Variants in SLC37A3 observed in about 807,000 individuals in gnomAD.
The protein encoded by SLC37A3 is solute carrier family 37 member 3, also known as sugar phosphate exchanger 3.
A neutral mutation model predicts 67.1 loss-of-function variants in SLC37A3; 51 were observed. The ratio of observed to expected loss-of-function variants is 0.76; its 90% CI spans 0.61 to 0.96. The LOEUF (loss-of-function observed/expected upper bound fraction) is 0.96. Among genes scored for constraint, SLC37A3 ranks in the 40% least tolerant of loss-of-function variants. The pLI is 0.00. For synonymous variants in SLC37A3, 214 were observed against 231.4 expected (o/e 0.92, Z 0.68); for missense variants, 508 against 603.0 (o/e 0.84, Z 1.65).
At chr7:140,345,099 T>C in intron 12 of SLC37A3, 117 bp downstream of exon 12, 1 of 890,922 alleles carries the variant, frequency 1.1e-6, no homozygotes. Flanking sequence ...TTTTAAAATT[T>C]GAATTCTCTG....
chr7:140,369,502 T>A, intron 4 of SLC37A3, 88 bp downstream of exon 4: 1 of 1,053,642 alleles, frequency 9.5e-7, no homozygotes, highest in Non-Finnish European at 1.4e-6. Context: ...GTCAGCAAAT[T>A]CAAAATCCCT....
At chr7:140,362,913 T>C (rs1438887646) in intron 5 of SLC37A3, among the ~76,000 whole-genome samples, 3 of 17,802 alleles carry the variant, frequency 1.7e-4, no homozygotes, top group African/African-American at 4.3e-4. Flanking sequence ...GGGGGGGGGG[T>C]CGGCCAGCCG....
At chr7:140,359,337 T>G (rs186662226) in intron 5 of SLC37A3, among the ~76,000 whole-genome samples, 23 of 134,160 alleles carry the variant, frequency 1.7e-4, no homozygotes, top group African/African-American at 6.0e-4. Flanking sequence ...TGCGAGACTC[T>G]GTCTCAAAAA....
intron 1 of SLC37A3, among the ~76,000 whole-genome samples, chr7:140,389,993 G>T (rs777148996): frequency 3.3e-5 from 5 of 152,090 alleles, no homozygotes; most frequent in Non-Finnish European, 5.9e-5. Flanking sequence ...GGAGGCTGAG[G>T]CAGGAGGATC....
At chr7:140,356,095 G>A (rs1441860967) in intron 6 of SLC37A3, among the ~76,000 whole-genome samples, 1 of 151,660 alleles carries the variant, frequency 6.6e-6, no homozygotes, top group Non-Finnish European at 1.5e-5. Context: ...TCGGAAGACT[G>A]AGGCAAGAGA....
At chr7:140,374,681 CAAAAAT>C (rs1797954882) in intron 3 of SLC37A3, among the ~76,000 whole-genome samples, 1 of 151,868 alleles carries the variant, frequency 6.6e-6, no homozygotes, top group African/African-American at 2.4e-5. Flanking sequence ...ACCATCTCTA[CAAAAAT>C]AAAAATAAAT....
At chr7:140,372,761 G>A (rs945076196) in intron 3 of SLC37A3, among the ~76,000 whole-genome samples, 4 of 151,898 alleles carry the variant, frequency 2.6e-5, no homozygotes, top group Admixed American at 2.0e-4. Context: ...TACTCAGGAA[G>A]CTGAGGCAGT....
At chr7:140,364,187 G>A (rs1017017847) in intron 5 of SLC37A3, among the ~76,000 whole-genome samples, 2 of 151,664 alleles carry the variant, frequency 1.3e-5, no homozygotes, top group East Asian at 1.9e-4. Context: ...GGAGGCAGAG[G>A]TTGCAGTGAG....
rs1249118074 is a variant in SLC37A3 at position 140,363,295 on chromosome 7, G to A, written c.375+1113C>T. ...AAAATTGAGAAATCGGATGGTTGCC[G>A]GGTTTGTGTGGATAGAAGTAGACAT... On this transcript the variant is annotated intron_variant, in intron 5 of 14. Transcript: ENST00000326232. 1.0e-4 allele frequency among the ~76,000 whole-genome samples: 9 copies of A among 90,102 alleles called. 2 individuals carry two copies. Among genetic ancestry groups the A allele is most frequent in the Admixed American group, 3.1e-4 (3 of 9,698 alleles). The allele number at this position is 90,102 out of a possible 152,430, so 59.1% of individuals were successfully genotyped here. A position where few individuals can be genotyped will look rare whatever the true frequency, so the allele number is the denominator to read the frequency against.
rs1244995864 is a variant in SLC37A3, at chr7:140,334,807, A to C, written c.*605T>G. The C allele has an allele frequency of 1.8e-5, 3 of 170,598 alleles. No homozygotes were observed. In the East Asian group the frequency reaches 4.7e-4, roughly 27 times the overall value. 10.6% of individuals were successfully genotyped at this position (170,598 alleles called of 1,614,324 possible). A position where few individuals can be genotyped will look rare whatever the true frequency, so the allele number is the denominator to read the frequency against. On this transcript the variant is annotated 3_prime_UTR_variant, in exon 15 of 15. Transcript: ENST00000326232. ...TCTAGGGCTGAATGACGTTTAGATC[A>C]GACACAGAGTGACTGAGCCAATCAA...
rs141549706 is a variant in SLC37A3, at chr7:140,345,924, C to A, written c.1071G>T (p.Ala357=). The A allele has an allele frequency of 8.4e-5, 135 of 1,614,012 alleles. No homozygotes were observed. In the South Asian group the frequency reaches 1.3e-3, roughly 16 times the overall value. The change falls in exon 11 of 15, where the codon GCG becomes GCT. Residue 357 remains alanine (A), a synonymous_variant. Coordinates refer to ENST00000326232, the MANE Select transcript of SLC37A3 (RefSeq NM_207113.3). ...GFISDVLQKR[A]PVLALSLLLA... ...GAAGCAGACTCAGGGCAAGAACCGGCGCTCTCTTCTGTAGTACATCAGAGA... is the reference window on the plus strand; with the variant it reads ...GAAGCAGACTCAGGGCAAGAACCGGAGCTCTCTTCTGTAGTACATCAGAGA...
intron 9 of SLC37A3, among the ~76,000 whole-genome samples, chr7:140,350,240 G>A (rs1290411038): frequency 6.6e-6 from 1 of 152,184 alleles, no homozygotes; most frequent in Non-Finnish European, 1.5e-5. Context: ...ACACGGACGG[G>A]TTGCGTGACT....
Position 140,352,104 on chromosome 7 carries a change from T to C in SLC37A3, c.661A>G (p.Ile221Val), listed in dbSNP as rs769778629. ...ACCAGGAGTCCAAAGAAGATAACGA[T>C]CCCACCAGCAAACTGCACAGACGCC... Reference protein sequence around the residue: ...VTASVQFAGGIVIFFGLLVSP... With the variant: ...VTASVQFAGGVVIFFGLLVSP... The change falls in exon 8 of 15, where the codon ATC becomes GTC. Residue 221 changes from isoleucine to valine, a missense_variant. Ile to Val is a conservative substitution (Grantham distance 29). Coordinates refer to ENST00000326232, the MANE Select transcript of SLC37A3 (RefSeq NM_207113.3). 2 of 1,613,214 alleles carry C rather than the reference T, an allele frequency of 1.2e-6. No individual in the cohort carries two copies. Among genetic ancestry groups the C allele is most frequent in the Non-Finnish European group, 1.7e-6 (2 of 1,179,858 alleles).
intron 1 of SLC37A3, among the ~76,000 whole-genome samples, chr7:140,393,690 C>T (rs1317164381): frequency 6.6e-6 from 1 of 152,210 alleles, no homozygotes; most frequent in African/African-American, 2.4e-5. Flanking sequence ...AAAATGGTCT[C>T]CCCTGGTTAC....
chr7:140,364,414 T>C lies in SLC37A3; in HGVS notation c.369A>G (p.Ala123=). Residue 123 remains alanine, a synonymous_variant, in exon 5 of 15, where the codon GCA becomes GCG. Transcript: ENST00000326232. Reference sequence around the variant, plus strand: ...ATAAGACCTTTCAACTTACCACTAATGCAGAAGAGCACATGCCAAAAGACA... The same window carrying C: ...ATAAGACCTTTCAACTTACCACTAACGCAGAAGAGCACATGCCAAAAGACA... ...WVLSFGMCSS[A]LVVFVFGALT... is the part of the protein sequence containing the mutation. 2 of 1,613,544 alleles carry C rather than the reference T, an allele frequency of 1.2e-6. No individual in the cohort carries two copies. Among genetic ancestry groups the C allele is most frequent in the Non-Finnish European group, 1.7e-6 (2 of 1,179,894 alleles).
chr7:140,356,195 C>CAAAAA (rs60174653), intron 6 of SLC37A3, among the ~76,000 whole-genome samples: 3 of 135,072 alleles, frequency 2.2e-5, no homozygotes, highest in African/African-American at 8.5e-5. Context: ...CTCCACCTCC[C>CAAAAA]AAAAAAAAAA....
chr7:140,373,297 A>C (rs967339138), intron 3 of SLC37A3, among the ~76,000 whole-genome samples: 1 of 152,040 alleles, frequency 6.6e-6, no homozygotes, highest in Non-Finnish European at 1.5e-5. Context: ...GAAAGTCTGC[A>C]AGAATCACTT....
At position 140,361,540 on chromosome 7, in the gene SLC37A3, T is replaced by C. The variant is rs1217247143; in HGVS notation, c.376-2755A>G. Among the ~76,000 whole-genome samples the C allele has an allele frequency of 2.7e-3, 150 of 56,358 alleles. 2 individuals are homozygous for C. Among genetic ancestry groups the C allele is most frequent in the African/African-American group, 5.5e-3 (74 of 13,370 alleles). The allele number at this position is 56,358 out of a possible 152,430, so 37.0% of individuals were successfully genotyped here. ...CCCCCTCCCCCTCCCCCTCCCTCTC[T>C]CCCTCTCCGTCTCCCTCTCTCTCCA... On this transcript the variant is annotated intron_variant, in intron 5 of 14. Transcript: ENST00000326232.
intron 13 of SLC37A3, 138 bp downstream of exon 13, chr7:140,343,274 G>A (rs1195955804): frequency 4.3e-6 from 5 of 1,157,588 alleles, no homozygotes; most frequent in Non-Finnish European, 5.0e-6. Context: ...GTCCTGAGGG[G>A]AGACGGAAGT....
Sources: gnomAD v4.1 joint callset for allele counts (sites outside exome capture counted in the v4.1 genomes callset) on GRCh38, gnomAD v4.1.1 for gene constraint, MANE v1.5 for transcripts, NCBI Gene and HGNC (gene_info 2026-07-23, HGNC 2026-07-21) for gene names.